PRPSAP1: variants seen among roughly 807,000 people sequenced by gnomAD.
The protein encoded by PRPSAP1 is phosphoribosyl pyrophosphate synthetase associated protein 1.
In PRPSAP1, 31 loss-of-function variants were observed where a neutral mutation model predicts 39.4. The ratio of observed to expected loss-of-function variants is 0.79; its 90% confidence interval spans 0.59 to 1.06. PRPSAP1 has a LOEUF of 1.06. Among genes scored for constraint, PRPSAP1 ranks in the 50% least tolerant of loss-of-function variants. The probability of loss-of-function intolerance (pLI) is 0.00; values close to 1 mark genes in which losing one functional copy is unlikely to be tolerated. For synonymous variants in PRPSAP1, 212 were observed against 192.6 expected (o/e 1.10, Z -0.83); for missense variants, 430 against 511.6 (o/e 0.84, Z 1.54).
At chr17:76,338,522 G>C (rs1479371896) in intron 3 of PRPSAP1, among the ~76,000 whole-genome samples, 1 of 152,006 alleles carries the variant, frequency 6.6e-6, no homozygotes, top group Admixed American at 6.6e-5. Context: ...AGGCAACATG[G>C]AGAAACCCCA....
At chr17:76,351,386 G>A (rs532190055) in intron 1 of PRPSAP1, among the ~76,000 whole-genome samples, 4 of 152,234 alleles carry the variant, frequency 2.6e-5, no homozygotes, top group Admixed American at 1.3e-4. Flanking sequence ...GAGGTGGCGG[G>A]GGCCTGTAGT....
chr17:76,340,926 AG>A (rs1017886499), intron 3 of PRPSAP1, among the ~76,000 whole-genome samples: 23 of 147,578 alleles, frequency 1.6e-4, no homozygotes, highest in Non-Finnish European at 1.9e-4. Context: ...AGCGGGGGGT[AG>A]GGGGGGACTG....
At chr17:76,334,658 CCT>C (rs2071360281) in intron 3 of PRPSAP1, among the ~76,000 whole-genome samples, 1 of 152,012 alleles carries the variant, frequency 6.6e-6, no homozygotes, top group Non-Finnish European at 1.5e-5. Context: ...AAAATGTCTC[CCT>C]GAGGAGACTG....
chr17:76,313,597 T>C (rs1433115277), intron 8 of PRPSAP1: 5 of 503,300 alleles, frequency 9.9e-6, no homozygotes, highest in Non-Finnish European at 1.8e-5. Flanking sequence ...AGGTGCTGAA[T>C]TTTCTCACGG....
At chr17:76,343,170 T>A (rs1182024389) in intron 3 of PRPSAP1, among the ~76,000 whole-genome samples, 1 of 152,210 alleles carries the variant, frequency 6.6e-6, no homozygotes, top group Non-Finnish European at 1.5e-5. Context: ...GTCTGGGGAA[T>A]GTACACTGAT....
chr17:76,313,510 T>A, intron 8 of PRPSAP1: 1 of 347,674 alleles, frequency 2.9e-6, no homozygotes, highest in Non-Finnish European at 5.3e-6. Flanking sequence ...CATCTTCAGT[T>A]CATCTTTCGG....
chr17:76,343,650 C>T (rs1303637461), intron 3 of PRPSAP1, among the ~76,000 whole-genome samples: 1 of 152,142 alleles, frequency 6.6e-6, no homozygotes, highest in African/African-American at 2.4e-5. Context: ...GCCTGGCCAA[C>T]ATAGTGAAAC....
Position 76,344,671 on chromosome 17 carries a change from C to A in PRPSAP1, c.290G>T (p.Arg97Ile). 1 of 1,557,654 alleles carries A rather than the reference C, an allele frequency of 6.4e-7. No individual in the cohort carries two copies. Among genetic ancestry groups the A allele is most frequent in the East Asian group, 2.2e-5 (1 of 44,494 alleles). The change falls in exon 3 of 10, where the codon AGA becomes ATA. Residue 97 changes from arginine (R) to isoleucine (I), a missense_variant and splice_region_variant. Arg to Ile is a moderately conservative substitution (Grantham distance 97). Around this residue, in one of 2 missense-constraint regions of PRPSAP1, gnomAD observed 152 missense variants for 135.2 expected, o/e 1.12. Transcript: ENST00000446526. ...GAGATAAAGTAGTCAGTCCTCTTAC[C>A]TGGGTATTGTCTGTATAATGAAAAT... The part of the protein sequence containing the change: ...QDIFIIQTIP[R>I]DVNTAVMELL...
At chr17:76,325,762 G>A (rs541113284) in intron 7 of PRPSAP1, among the ~76,000 whole-genome samples, 72 of 151,566 alleles carry the variant, frequency 4.8e-4, no homozygotes, top group African/African-American at 1.5e-3. Context: ...CCGCCACTAC[G>A]CCCGGCTAAT....
At position 76,353,856 on chromosome 17, in the gene PRPSAP1, C is replaced by G. The variant is rs1040799778; in HGVS notation, c.-153G>C. On this transcript the variant is annotated 5_prime_UTR_variant, in exon 1 of 10. Coordinates refer to ENST00000446526, the MANE Select transcript of PRPSAP1 (RefSeq NM_002766.3). ...GGTCCGTGCCCTTGCGCACCCCACA[C>G]CACTGACTACAGCGGCCGAGCCTTC... 9 of 1,349,452 alleles carry G rather than the reference C, an allele frequency of 6.7e-6. No homozygotes were observed. The Admixed American group carries it at 2.4e-4, about 36-fold the overall frequency. 83.6% of individuals were successfully genotyped at this position (1,349,452 alleles called of 1,614,324 possible). A position where few individuals can be genotyped will look rare whatever the true frequency, so the allele number is the denominator to read the frequency against.
rs1462605715 is a variant in PRPSAP1, at chr17:76,310,793, T to G, written c.*749A>C. ...ACTTTTTTTTTTTTTTTTTAAAGAT[T>G]TAAAATACAGTATTCAACAAGGATT... On this transcript the variant is annotated 3_prime_UTR_variant, in exon 10 of 10. Coordinates refer to ENST00000446526, the MANE Select transcript of PRPSAP1 (RefSeq NM_002766.3). 6.6e-6 allele frequency: 1 copy of G among 151,914 alleles called. No individual in the cohort carries two copies. Among genetic ancestry groups the G allele is most frequent in the African/African-American group, 2.4e-5 (1 of 41,356 alleles). 9.4% of individuals were successfully genotyped at this position (151,914 alleles called of 1,614,324 possible).
At chr17:76,321,667 GGCCTCTAAGTGTTTAAGTGAAAGGAAGA>G (rs1256736139) in intron 7 of PRPSAP1, among the ~76,000 whole-genome samples, 1 of 152,112 alleles carries the variant, frequency 6.6e-6, no homozygotes, top group Non-Finnish European at 1.5e-5. Flanking sequence ...ACCCTACAAT[GGCCTCTAAGTGTTTAAGTGAAAGGAAGA>G]GCCCCATGTC....
intron 6 of PRPSAP1, among the ~76,000 whole-genome samples, chr17:76,329,268 T>C (rs1381362966): frequency 6.6e-6 from 1 of 152,010 alleles, no homozygotes; most frequent in Non-Finnish European, 1.5e-5. Context: ...GGGGTCTATG[T>C]TGCCCAGGCT....
intron 3 of PRPSAP1, among the ~76,000 whole-genome samples, chr17:76,339,584 T>A (rs1161810285): frequency 1.3e-5 from 2 of 151,726 alleles, no homozygotes; most frequent in African/African-American, 4.9e-5. Flanking sequence ...TTTGCTTTGA[T>A]GCTCTTAAAC....
At chr17:76,353,369 C>G (rs953659955) in intron 1 of PRPSAP1, 165 bp downstream of exon 1, 3 of 664,768 alleles carry the variant, frequency 4.5e-6, no homozygotes, top group Non-Finnish European at 6.9e-6. Flanking sequence ...AACCGGGGAG[C>G]GGGGGGCGGT....
At chr17:76,313,714 TG>T in intron 8 of PRPSAP1, 106 bp downstream of exon 8, 1 of 1,235,236 alleles carries the variant, frequency 8.1e-7, no homozygotes, top group South Asian at 1.3e-5. Context: ...AAAGGATACA[TG>T]GATCCATTCG....
intron 3 of PRPSAP1, among the ~76,000 whole-genome samples, chr17:76,335,416 T>C (rs1415272002): frequency 2.6e-5 from 4 of 152,240 alleles, no homozygotes; most frequent in Admixed American, 2.0e-4. Context: ...AGTGTAATGG[T>C]GCGATCTCAG....
chr17:76,330,007 T>C (rs1245179260), intron 6 of PRPSAP1, 36 bp downstream of exon 6: 1 of 1,597,198 alleles, frequency 6.3e-7, no homozygotes, highest in South Asian at 1.1e-5. Context: ...TCGGGAGCAC[T>C]CAGGAGGGAT....
chr17:76,324,059 C>T (rs1377583829), intron 7 of PRPSAP1, among the ~76,000 whole-genome samples: 3 of 142,474 alleles, frequency 2.1e-5, no homozygotes, highest in Non-Finnish European at 4.6e-5. Flanking sequence ...GGCAGAATTG[C>T]TTGGACCCAG....
Sources: allele counts gnomAD v4.1 joint callset (sites outside exome capture counted in the v4.1 genomes callset), GRCh38; gene constraint gnomAD v4.1.1; regional missense constraint gnomAD v4.1.1; transcripts MANE v1.5; gene names NCBI Gene and HGNC (gene_info 2026-07-23, HGNC 2026-07-21).